Variants in NCOA4 observed in about 807,000 individuals in gnomAD.
The protein encoded by NCOA4 is 70 kDa AR-activator.
NCOA4 carries 31 observed loss-of-function variants against 69.5 expected under a neutral mutation model. The ratio of observed to expected loss-of-function variants is 0.45; its 90% CI spans 0.34 to 0.60. The LOEUF is 0.60. Among genes scored for constraint, NCOA4 ranks in the 20% least tolerant of loss-of-function variants. NCOA4 has a pLI of 0.02. For synonymous variants in NCOA4, 228 were observed against 252.4 expected (o/e 0.90, Z 0.92); for missense variants, 600 against 719.2 (o/e 0.83, Z 1.90).
chr10:46,011,266 T>C (rs1839186749), intron 7 of NCOA4, 60 bp from the exon 8 acceptor site: 1 of 1,493,412 alleles, frequency 6.7e-7, no homozygotes. Context: ...TTGGAGATTC[T>C]GTCTGCACTT....
At chr10:46,014,752 A>G in intron 4 of NCOA4, 102 bp downstream of exon 4, 1 of 956,276 alleles carries the variant, frequency 1.0e-6, no homozygotes. Context: ...CTAGCAACAC[A>G]GAAGTTAAAT....
chr10:46,012,105 G>GAAAAAAAAAAAA (rs1839267522), intron 7 of NCOA4, among the ~76,000 whole-genome samples: 4 of 50,044 alleles, frequency 8.0e-5, no homozygotes, highest in Non-Finnish European at 9.0e-5. Flanking sequence ...AAAAAAAAAC[G>GAAAAAAAAAAAA]AAAAAAGAAA....
intron 1 of NCOA4, among the ~76,000 whole-genome samples, chr10:46,030,019 A>C (rs963181192): frequency 3.3e-5 from 5 of 152,216 alleles, no homozygotes; most frequent in Non-Finnish European, 5.9e-5. Context: ...GGCCAAAAAA[A>C]CCCAATATCT....
intron 7 of NCOA4, among the ~76,000 whole-genome samples, 185 bp from the exon 8 acceptor site, chr10:46,011,391 C>G (rs1839193573): frequency 6.6e-6 from 1 of 152,006 alleles, no homozygotes; most frequent in Non-Finnish European, 1.5e-5. Flanking sequence ...CCTCAGCCTT[C>G]CGAGTAGCTG....
intron 1 of NCOA4, chr10:46,022,467 GGTTT>G: frequency 2.1e-6 from 1 of 466,042 alleles, no homozygotes; most frequent in Admixed American, 2.4e-5. Flanking sequence ...GTTGGTTTTG[GGTTT>G]TTTTTTTGTT....
chr10:46,021,291 A>C (rs945510609), intron 1 of NCOA4, among the ~76,000 whole-genome samples: 1 of 152,242 alleles, frequency 6.6e-6, no homozygotes, highest in Non-Finnish European at 1.5e-5. Flanking sequence ...CTCTTTAAAA[A>C]AATAAAAAAT....
chr10:46,006,832 C>T (rs1325020619), intron 9 of NCOA4, among the ~76,000 whole-genome samples: 3 of 152,222 alleles, frequency 2.0e-5, no homozygotes, highest in African/African-American at 7.2e-5. Context: ...TCTCTCTCCT[C>T]AGGCCTCCCT....
At chr10:46,020,761 C>A (rs998040741) in intron 1 of NCOA4, among the ~76,000 whole-genome samples, 6 of 152,168 alleles carry the variant, frequency 3.9e-5, no homozygotes, top group Admixed American at 6.5e-5. Flanking sequence ...TGTTTTCTTA[C>A]GTGTAGAAAG....
At chr10:46,027,558 C>T in intron 1 of NCOA4, 1 of 1,375,672 alleles carries the variant, frequency 7.3e-7, no homozygotes, top group Non-Finnish European at 9.9e-7. Context: ...AGATGAAAAC[C>T]TTGGATGAAA....
chr10:46,024,406 C>T (rs781994917), intron 1 of NCOA4, among the ~76,000 whole-genome samples: 1 of 152,082 alleles, frequency 6.6e-6, no homozygotes, highest in Non-Finnish European at 1.5e-5. Flanking sequence ...CTTTGTTGGC[C>T]GTCACCTACT....
At chr10:46,015,080 A>G (rs782356594) in intron 3 of NCOA4, 46 bp downstream of exon 3, 1 of 1,613,136 alleles carries the variant, frequency 6.2e-7, no homozygotes, top group South Asian at 1.1e-5. Context: ...CTCTCTGGCA[A>G]CCAGAAGCCA....
intron 1 of NCOA4, among the ~76,000 whole-genome samples, chr10:46,017,620 T>C (rs1324657890): frequency 9.9e-5 from 15 of 152,068 alleles, no homozygotes; most frequent in Admixed American, 9.2e-4. Context: ...ATATATAATA[T>C]ATAAAAGAAT....
intron 1 of NCOA4, among the ~76,000 whole-genome samples, chr10:46,022,225 T>C (rs1347374913): frequency 6.6e-6 from 1 of 152,114 alleles, no homozygotes; most frequent in African/African-American, 2.4e-5. Context: ...CCTGGCATCC[T>C]AGTCATTGCT....
At chr10:46,013,295 C>G (rs1839343337) in intron 6 of NCOA4, among the ~76,000 whole-genome samples, 1 of 152,138 alleles carries the variant, frequency 6.6e-6, no homozygotes, top group Non-Finnish European at 1.5e-5. Flanking sequence ...TCACAGAGAA[C>G]CAGTATCAGT....
In NCOA4 at chr10:46,016,904, T is replaced by C. The variant is rs1011265462; in HGVS notation, c.-14-210A>G. On this transcript the variant is annotated intron_variant, in intron 1 of 9. Coordinates refer to ENST00000581486, the MANE Select transcript of NCOA4 (RefSeq NM_001145263.2). ...GTTCCTGCCATAAAACTCTATAATC[T>C]ACTTTAGTGACACTTTACATGTGAA... Among the ~76,000 whole-genome samples the C allele has an allele frequency of 7.9e-5, 12 of 152,224 alleles. No homozygotes were observed. The East Asian group carries it at 2.3e-3, about 29-fold the overall frequency.
chr10:46,012,096 A>C (rs1554921816), intron 7 of NCOA4, among the ~76,000 whole-genome samples: 3 of 147,112 alleles, frequency 2.0e-5, no homozygotes, highest in Admixed American at 6.8e-5. Flanking sequence ...AAAAAAAAAA[A>C]AAAAAAACGA....
At chr10:46,020,903 T>C (rs1399038109) in intron 1 of NCOA4, among the ~76,000 whole-genome samples, 1 of 152,236 alleles carries the variant, frequency 6.6e-6, no homozygotes, top group Non-Finnish European at 1.5e-5. Flanking sequence ...TAAATGTTTA[T>C]GTTTTGAGAC....
intron 7 of NCOA4, among the ~76,000 whole-genome samples, chr10:46,011,866 C>A (rs1839230398): frequency 6.6e-6 from 1 of 150,994 alleles, no homozygotes; most frequent in Admixed American, 6.6e-5. Context: ...CTGGCTAACA[C>A]GGGTGAAACC....
chr10:46,007,285 G>A (rs1294500629), intron 9 of NCOA4, among the ~76,000 whole-genome samples: 2 of 152,168 alleles, frequency 1.3e-5, no homozygotes, highest in Non-Finnish European at 2.9e-5. Flanking sequence ...ATTTTATGAA[G>A]GCTGAGAGAG....
Sources: gnomAD v4.1 joint callset for allele counts (sites outside exome capture counted in the v4.1 genomes callset) on GRCh38, gnomAD v4.1.1 for gene constraint, MANE v1.5 for transcripts, NCBI Gene and HGNC (gene_info 2026-07-23, HGNC 2026-07-21) for gene names.